Variants in DLG2 observed in about 807,000 individuals in gnomAD.
The protein encoded by DLG2 is disks large homolog 2.
In DLG2, 45 loss-of-function variants were observed where a neutral mutation model predicts 132.5. That is an observed-to-expected ratio of 0.34 (90% confidence interval 0.27 to 0.44). DLG2 has a LOEUF of 0.44. Ranked by LOEUF, DLG2 falls within the 20% of genes least tolerant of loss-of-function variation. DLG2 has a pLI of 1.00. For missense variants in DLG2, 1,045 were observed against 1,196.9 expected, an observed-to-expected ratio of 0.87 and a Z score of 1.87; for synonymous variants, 424 against 419.6, an observed-to-expected ratio of 1.01 and a Z score of -0.13.
rs528724787 is a variant in DLG2 at position 83,803,365 on chromosome 11, T to C, written c.1723-16573A>G. On this transcript the variant is annotated intron_variant, in intron 17 of 27. Coordinates refer to ENST00000376104, the MANE Select transcript of DLG2 (RefSeq NM_001142699.3). ...GTCAGGAGTCAGCATTGGCATTAATTGTAGAAGGCTCATGTGTGTTAAATG... is the reference window on the plus strand; with the variant it reads ...GTCAGGAGTCAGCATTGGCATTAATCGTAGAAGGCTCATGTGTGTTAAATG... Among the ~76,000 whole-genome samples, 20 of 152,228 alleles carry C rather than the reference T, an allele frequency of 1.3e-4. No homozygotes were observed. The South Asian group carries it at 2.9e-3, about 22-fold the overall frequency.
At chr11:83,651,102 C>T (rs1329777928) in intron 18 of DLG2, among the ~76,000 whole-genome samples, 1 of 152,044 alleles carries the variant, frequency 6.6e-6, no homozygotes, top group Admixed American at 6.6e-5. Context: ...GCCTAAAACT[C>T]TATGGAGGAA....
chr11:84,218,900 T>C (rs1284159006), intron 8 of DLG2, among the ~76,000 whole-genome samples: 1 of 152,208 alleles, frequency 6.6e-6, no homozygotes. Flanking sequence ...GGGCCAAAGC[T>C]GATAAACAAT....
chr11:85,283,866 C>A (rs2078389230), intron 4 of DLG2, among the ~76,000 whole-genome samples: 1 of 145,492 alleles, frequency 6.9e-6, no homozygotes, highest in Admixed American at 6.9e-5. Context: ...TTTATAAAAT[C>A]AATCCTAATG....
chr11:85,288,973 T>A (rs1048062576), intron 3 of DLG2, among the ~76,000 whole-genome samples: 2 of 152,074 alleles, frequency 1.3e-5, no homozygotes, highest in African/African-American at 4.8e-5. Context: ...AGTGATTTGA[T>A]CACATTTAGA....
At chr11:84,163,966 T>C (rs1300580844) in intron 8 of DLG2, among the ~76,000 whole-genome samples, 1 of 152,194 alleles carries the variant, frequency 6.6e-6, no homozygotes, top group African/African-American at 2.4e-5. Context: ...TGAAAATGAC[T>C]GCATCATCTG....
At chr11:84,948,253 T>A (rs1046672218) in intron 6 of DLG2, among the ~76,000 whole-genome samples, 1 of 152,230 alleles carries the variant, frequency 6.6e-6, no homozygotes, top group African/African-American at 2.4e-5. Context: ...ATTTTCCTTT[T>A]TCTCTCTCTG....
At chr11:83,757,281 T>C (rs2093687703) in intron 18 of DLG2, among the ~76,000 whole-genome samples, 1 of 152,370 alleles carries the variant, frequency 6.6e-6, no homozygotes, top group East Asian at 1.9e-4. Flanking sequence ...TTTTTGATAC[T>C]GCTTTGGTTC....
At chr11:85,101,228 T>C (rs1037983378) in intron 6 of DLG2, among the ~76,000 whole-genome samples, 4 of 152,096 alleles carry the variant, frequency 2.6e-5, no homozygotes, top group Non-Finnish European at 5.9e-5. Context: ...TCCATACACC[T>C]GCTCTCATTA....
intron 18 of DLG2, among the ~76,000 whole-genome samples, chr11:83,703,069 C>G (rs1316102527): frequency 6.6e-6 from 1 of 152,254 alleles, no homozygotes; most frequent in Non-Finnish European, 1.5e-5. Flanking sequence ...AGATTGAACT[C>G]TCACATAGCC....
At chr11:83,475,605 G>A (rs1354349687) in intron 22 of DLG2, among the ~76,000 whole-genome samples, 1 of 151,890 alleles carries the variant, frequency 6.6e-6, no homozygotes, top group Non-Finnish European at 1.5e-5. Flanking sequence ...AACAAATGAA[G>A]AAAAAATTGA....
intron 6 of DLG2, among the ~76,000 whole-genome samples, chr11:85,057,032 A>G (rs2063532819): frequency 1.3e-5 from 2 of 151,848 alleles, no homozygotes; most frequent in Admixed American, 1.3e-4. Flanking sequence ...TAGGGTCAAT[A>G]TATGGGTAAG....
intron 7 of DLG2, among the ~76,000 whole-genome samples, chr11:84,502,212 T>TC (rs1567803439): frequency 0.23 from 663 of 2,932 alleles, 183 homozygotes; most frequent in African/African-American, 0.27. Flanking sequence ...CCTTCCTTCC[T>TC]TCCTTCCTTC....
At chr11:85,618,558 A>G (rs1005743089) in intron 2 of DLG2, among the ~76,000 whole-genome samples, 6 of 152,204 alleles carry the variant, frequency 3.9e-5, no homozygotes, top group African/African-American at 9.7e-5. Context: ...GGGAACTAAG[A>G]ATTGGGTATA....
chr11:84,795,411 T>C (rs2074445745), intron 6 of DLG2, among the ~76,000 whole-genome samples: 1 of 151,756 alleles, frequency 6.6e-6, no homozygotes, highest in South Asian at 2.1e-4. Flanking sequence ...ACCTTGTCTG[T>C]GGAGGGGAGC....
intron 7 of DLG2, among the ~76,000 whole-genome samples, chr11:84,309,856 T>C (rs1227836615): frequency 6.6e-6 from 1 of 152,220 alleles, no homozygotes; most frequent in Non-Finnish European, 1.5e-5. Flanking sequence ...TATTTTGTAT[T>C]TATATTAAAT....
intron 6 of DLG2, among the ~76,000 whole-genome samples, chr11:84,899,799 C>T (rs751054505): frequency 6.6e-6 from 1 of 151,978 alleles, no homozygotes; most frequent in Non-Finnish European, 1.5e-5. Context: ...CTTTAAGCAT[C>T]ACCTTGGGAA....
chr11:84,011,183 C>G (rs551287353), intron 11 of DLG2, among the ~76,000 whole-genome samples: 2 of 152,140 alleles, frequency 1.3e-5, no homozygotes, highest in South Asian at 4.1e-4. Context: ...TAAATAAAGA[C>G]AGCTTGGCTG....
chr11:84,651,177 C>G (rs1366515888), intron 6 of DLG2, among the ~76,000 whole-genome samples: 1 of 152,066 alleles, frequency 6.6e-6, no homozygotes, highest in East Asian at 1.9e-4. Flanking sequence ...CTTTCTCCAT[C>G]TTCTTTAGAG....
intron 2 of DLG2, among the ~76,000 whole-genome samples, chr11:85,616,167 C>G (rs183397748): frequency 2.0e-5 from 3 of 152,292 alleles, no homozygotes; most frequent in African/African-American, 7.2e-5. Flanking sequence ...TTCACTTGTT[C>G]AAAGACTACC....
Sources: gnomAD v4.1 joint callset for allele counts (sites outside exome capture counted in the v4.1 genomes callset) on GRCh38, gnomAD v4.1.1 for gene constraint, MANE v1.5 for transcripts, NCBI Gene and HGNC (gene_info 2026-07-23, HGNC 2026-07-21) for gene names.